MTUS2: variants seen among roughly 807,000 people sequenced by gnomAD.
MTUS2 encodes the protein microtubule-associated tumor suppressor candidate 2.
In MTUS2, 40 loss-of-function variants were observed where a neutral mutation model predicts 114.1. The observed-to-expected ratio is 0.35, with a 90% CI of 0.27 to 0.46. MTUS2 has a LOEUF of 0.46. MTUS2 is among the 20% of genes least tolerant of loss of function. The pLI, the probability that MTUS2 is intolerant of heterozygous loss-of-function variation, is 1.00. For synonymous variants in MTUS2, 688 were observed against 672.0 expected, an observed-to-expected ratio of 1.02 and a Z score of -0.37; for missense variants, 1,679 against 1,705.4, an observed-to-expected ratio of 0.98 and a Z score of 0.27.
chr13:29,158,358 C>CCCCCCCCCTTCCTCTT, intron 5 of MTUS2, among the ~76,000 whole-genome samples: 1 of 32,048 alleles, frequency 3.1e-5, no homozygotes, highest in African/African-American at 2.1e-4. Context: ...GTCCACCCCG[C>CCCCCCCCCTTCCTCTT]TTTTTTTTTT....
Position 29,025,654 on chromosome 13 carries a change from G to A in MTUS2, c.956G>A (p.Arg319Lys). The change falls in exon 3 of 16, where the codon AGA (arginine) becomes AAA (lysine). Residue 319 changes from arginine to lysine, a missense_variant. Around this residue, in one of 3 missense-constraint regions of MTUS2, gnomAD observed 843 missense variants for 770.8 expected, o/e 1.09. Coordinates refer to ENST00000612955, the MANE Select transcript of MTUS2 (RefSeq NM_001033602.4). The stretch of plus-strand genomic sequence containing the variant: ...GATCTGAAATATGTTCCTCCCAGGA[G>A]AGTTGAACAGGAGGGAAAGGCAGCC... ...KLDLKYVPPR[R>K]VEQEGKAAQE... 6 of 1,614,062 alleles carry A rather than the reference G, an allele frequency of 3.7e-6. No homozygotes were observed. The highest frequency in any genetic ancestry group is 5.1e-6 in the Non-Finnish European group (6 of 1,179,902).
chr13:29,309,010 CAG>C (rs1392651394), intron 6 of MTUS2, among the ~76,000 whole-genome samples: 3 of 152,166 alleles, frequency 2.0e-5, no homozygotes, highest in Admixed American at 2.0e-4. Flanking sequence ...TTGTGGAAGA[CAG>C]TGTGGCAATT....
intron 2 of MTUS2, among the ~76,000 whole-genome samples, chr13:28,953,167 A>ATT (rs113539534): frequency 1.4e-5 from 2 of 138,154 alleles, no homozygotes; most frequent in African/African-American, 5.3e-5. Context: ...TTTCCTATTC[A>ATT]TTTTTTTTTT....
At chr13:29,087,039 CA>C (rs1194815231) in intron 4 of MTUS2, among the ~76,000 whole-genome samples, 1 of 152,172 alleles carries the variant, frequency 6.6e-6, no homozygotes, top group African/African-American at 2.4e-5. Context: ...AGAATCATAT[CA>C]TCAGTGAAGT....
intron 2 of MTUS2, among the ~76,000 whole-genome samples, chr13:28,886,717 C>T (rs796760544): frequency 1.3e-4 from 20 of 152,144 alleles, no homozygotes; most frequent in African/African-American, 4.8e-4. Flanking sequence ...AATGTGCTCT[C>T]CAGAAACTCA....
At chr13:29,241,813 A>G (rs556268436) in intron 5 of MTUS2, among the ~76,000 whole-genome samples, 80 of 152,222 alleles carry the variant, frequency 5.3e-4, no homozygotes, top group African/African-American at 1.8e-3. Flanking sequence ...CACTAGGTGA[A>G]TTGACTTACG....
chr13:29,313,234 A>G (rs140844287), intron 6 of MTUS2, among the ~76,000 whole-genome samples: 1 of 152,298 alleles, frequency 6.6e-6, no homozygotes, highest in African/African-American at 2.4e-5. Context: ...GTGAATTACG[A>G]AGTTGCAGTG....
chr13:28,979,119 C>T (rs1729284741), intron 2 of MTUS2, among the ~76,000 whole-genome samples: 1 of 152,166 alleles, frequency 6.6e-6, no homozygotes, highest in Admixed American at 6.5e-5. Context: ...AAGTGGTTTC[C>T]TTCAGGAGCT....
At chr13:28,846,741 G>A (rs530499525) in intron 2 of MTUS2, among the ~76,000 whole-genome samples, 1 of 152,312 alleles carries the variant, frequency 6.6e-6, no homozygotes, top group South Asian at 2.1e-4. Context: ...ATAGAAGAGG[G>A]TATCAGGACT....
At chr13:29,279,944 C>T (rs1052441804) in intron 5 of MTUS2, among the ~76,000 whole-genome samples, 1 of 152,172 alleles carries the variant, frequency 6.6e-6, no homozygotes, top group Non-Finnish European at 1.5e-5. Context: ...AGAGATTTTG[C>T]GCTCAATTCA....
At chr13:29,405,742 A>ATT in intron 8 of MTUS2, among the ~76,000 whole-genome samples, 1 of 37,796 alleles carries the variant, frequency 2.6e-5, no homozygotes. Context: ...CTAATTAACT[A>ATT]CTTTTTTTTT....
intron 8 of MTUS2, 66 bp downstream of exon 8, chr13:29,359,539 GTTGT>G: frequency 6.6e-7 from 1 of 1,512,896 alleles, no homozygotes; most frequent in Non-Finnish European, 9.0e-7. Flanking sequence ...GATGGTGACG[GTTGT>G]TTGTGTATGT....
chr13:28,829,825 G>C (rs1874539039), intron 1 of MTUS2, among the ~76,000 whole-genome samples: 1 of 152,182 alleles, frequency 6.6e-6, no homozygotes. Context: ...GCTACCTATG[G>C]GGGCTTTAAA....
chr13:28,921,411 G>GCT (rs1881033657), intron 2 of MTUS2, among the ~76,000 whole-genome samples: 1 of 152,214 alleles, frequency 6.6e-6, no homozygotes, highest in Non-Finnish European at 1.5e-5. Context: ...GTAAGGCAAA[G>GCT]TCCTCTTTGC....
In MTUS2 at chr13:29,194,491, A is replaced by G. The variant is rs1381590325; in HGVS notation, c.2645-87213A>G. Among the ~76,000 whole-genome samples, 18 of 152,362 alleles carry G rather than the reference A, an allele frequency of 1.2e-4. No individual in the cohort carries two copies. The South Asian group carries it at 2.3e-3, about 19-fold the overall frequency. ...TTTTTGCAGCCAAAAAACACATGAAAAAATGCTCACCATCACTGGCCATCA... is the reference window on the plus strand; with the variant it reads ...TTTTTGCAGCCAAAAAACACATGAAGAAATGCTCACCATCACTGGCCATCA... On this transcript the variant is annotated intron_variant, in intron 5 of 15. Coordinates refer to ENST00000612955, the MANE Select transcript of MTUS2 (RefSeq NM_001033602.4).
intron 2 of MTUS2, among the ~76,000 whole-genome samples, chr13:28,902,044 G>T (rs529890542): frequency 6.6e-6 from 1 of 151,944 alleles, no homozygotes; most frequent in Non-Finnish European, 1.5e-5. Context: ...TGAAGTTTCC[G>T]TATGTGTTTT....
intron 3 of MTUS2, 104 bp from the exon 4 acceptor site, chr13:29,033,780 GT>G: frequency 1.4e-6 from 2 of 1,390,410 alleles, no homozygotes; most frequent in Non-Finnish European, 2.0e-6. Context: ...AAGCAGCTAA[GT>G]GGTACCAGAG....
intron 5 of MTUS2, among the ~76,000 whole-genome samples, chr13:29,279,853 A>G (rs1898201033): frequency 6.6e-6 from 1 of 152,218 alleles, no homozygotes; most frequent in African/African-American, 2.4e-5. Context: ...GATTTGATAC[A>G]AGTGCATTTG....
chr13:29,425,513 A>C (rs1445123746), intron 8 of MTUS2, among the ~76,000 whole-genome samples: 1 of 152,190 alleles, frequency 6.6e-6, no homozygotes, highest in African/African-American at 2.4e-5. Context: ...GTAATTGCTG[A>C]ATTGGGGTGA....
Sources: gnomAD v4.1 joint callset for allele counts (sites outside exome capture counted in the v4.1 genomes callset) on GRCh38, gnomAD v4.1.1 for gene constraint, gnomAD v4.1.1 regional missense constraint, MANE v1.5 for transcripts, NCBI Gene and HGNC (gene_info 2026-07-23, HGNC 2026-07-21) for gene names.